Variants in LRRC37A2 observed in about 807,000 individuals in gnomAD.
The protein encoded by LRRC37A2 is leucine rich repeat containing 37 member A2.
Under a neutral mutation model 68.8 loss-of-function variants are expected in LRRC37A2, and 9 were observed. That is an observed-to-expected ratio of 0.13 (90% CI 0.08 to 0.23). The LOEUF (loss-of-function observed/expected upper bound fraction) is 0.23. Ranked by LOEUF, LRRC37A2 falls within the 10% of genes least tolerant of loss-of-function variation. The probability of loss-of-function intolerance (pLI) is 1.00; values close to 1 mark genes in which losing one functional copy is unlikely to be tolerated. For synonymous variants in LRRC37A2, 63 were observed against 367.6 expected, an observed-to-expected ratio of 0.17 and a Z score of 9.48; for missense variants, 168 against 950.4, an observed-to-expected ratio of 0.18 and a Z score of 10.82.
At chr17:46,751,636 G>C in the LRRC37A2 span, 1 of 1,486,714 alleles carries the variant, frequency 6.7e-7, no homozygotes, top group Non-Finnish European at 9.4e-7. Context: ...TTCGTTCTCC[G>C]TATGACTCAG....
the LRRC37A2 span, among the ~76,000 whole-genome samples, chr17:46,725,433 A>G: frequency 6.6e-6 from 1 of 152,178 alleles, no homozygotes; most frequent in Non-Finnish European, 1.5e-5. Context: ...GGTTGACCTG[A>G]TTAAATATCT....
chr17:46,833,689 C>T, the LRRC37A2 span, among the ~76,000 whole-genome samples: 9 of 152,186 alleles, frequency 5.9e-5, no homozygotes, highest in African/African-American at 2.2e-4. Context: ...AGCTTTGACT[C>T]AGTGCATGTG....
chr17:46,943,639 C>A, the LRRC37A2 span, among the ~76,000 whole-genome samples: 2 of 152,218 alleles, frequency 1.3e-5, no homozygotes, highest in East Asian at 2.0e-4. Context: ...ATCGGGTAAG[C>A]GGCTGCAGGA....
At chr17:47,010,774 G>A in the LRRC37A2 span, 2 of 152,358 alleles carry the variant, frequency 1.3e-5, no homozygotes, top group African/African-American at 4.8e-5. Context: ...GAGAGAAGTA[G>A]GCTATGAAAG....
chr17:46,907,934 G>T, the LRRC37A2 span, among the ~76,000 whole-genome samples: 1 of 152,034 alleles, frequency 6.6e-6, no homozygotes, highest in African/African-American at 2.4e-5. Context: ...TTTTGCCCTG[G>T]GCCCCTTAAC....
At chr17:46,801,065 A>T in the LRRC37A2 span, among the ~76,000 whole-genome samples, 4 of 152,222 alleles carry the variant, frequency 2.6e-5, no homozygotes, top group Non-Finnish European at 5.9e-5. Flanking sequence ...CTAGTCTCAC[A>T]TGCGTTATAT....
the LRRC37A2 span, among the ~76,000 whole-genome samples, chr17:46,809,502 C>A: frequency 8.5e-5 from 13 of 152,340 alleles, no homozygotes; most frequent in African/African-American, 3.1e-4. Context: ...TCAGTCCTCG[C>A]AGTTTTTCCA....
At chr17:46,851,761 T>A in the LRRC37A2 span, 1 of 1,026,038 alleles carries the variant, frequency 9.7e-7, no homozygotes, top group Non-Finnish European at 1.3e-6. The surrounding 1 kb of genome is among the most constrained non-coding windows in gnomAD (Gnocchi z 4.3). Flanking sequence ...CCTGCCTGTC[T>A]CTCCCTCCTG....
At chr17:46,754,268 A>G in the LRRC37A2 span, among the ~76,000 whole-genome samples, 1 of 149,716 alleles carries the variant, frequency 6.7e-6, no homozygotes, top group Admixed American at 6.7e-5. Flanking sequence ...TTGTAGTCTG[A>G]CCTCTTACCT....
chr17:46,990,353 G>T, the LRRC37A2 span, among the ~76,000 whole-genome samples: 1 of 152,160 alleles, frequency 6.6e-6, no homozygotes, highest in Non-Finnish European at 1.5e-5. Context: ...TACACAAAGG[G>T]TCCTATGTAA....
chr17:46,906,796 T>C, the LRRC37A2 span, among the ~76,000 whole-genome samples: 2 of 152,066 alleles, frequency 1.3e-5, no homozygotes, highest in Non-Finnish European at 2.9e-5. Flanking sequence ...CAGATCTGAA[T>C]TCAGGCTGCA....
chr17:46,884,008 C>G, the LRRC37A2 span, among the ~76,000 whole-genome samples: 39 of 152,214 alleles, frequency 2.6e-4, no homozygotes, highest in Non-Finnish European at 2.9e-5. Context: ...CCACCGTCCT[C>G]CCGCCATGGA....
the LRRC37A2 span, among the ~76,000 whole-genome samples, chr17:46,765,121 G>T: frequency 6.6e-6 from 1 of 152,262 alleles, no homozygotes; most frequent in South Asian, 2.1e-4. Context: ...TTACTCATTT[G>T]CATAGTCATA....
chr17:46,807,933 C>T, the LRRC37A2 span, among the ~76,000 whole-genome samples: 4 of 152,058 alleles, frequency 2.6e-5, no homozygotes, highest in African/African-American at 7.2e-5. Flanking sequence ...AGCTGAAGGT[C>T]GAATTGTAAA....
chr17:46,977,575 G>A, the LRRC37A2 span, among the ~76,000 whole-genome samples: 1 of 152,228 alleles, frequency 6.6e-6, no homozygotes, highest in African/African-American at 2.4e-5. Flanking sequence ...CCTGTAATGG[G>A]AGGCTCCAAG....
chr17:47,027,126 T>C, the LRRC37A2 span, among the ~76,000 whole-genome samples: 2 of 152,180 alleles, frequency 1.3e-5, no homozygotes, highest in Non-Finnish European at 2.9e-5. Flanking sequence ...TTAGCCAGGA[T>C]GGTCTCAATA....
At chr17:46,763,776 T>C in the LRRC37A2 span, 2 of 147,742 alleles carry the variant, frequency 1.4e-5, no homozygotes, top group Admixed American at 1.4e-4. Flanking sequence ...GGAAGCCATT[T>C]GAGCTAGAGA....
the LRRC37A2 span, among the ~76,000 whole-genome samples, chr17:46,884,751 G>A: frequency 6.6e-6 from 1 of 152,156 alleles, no homozygotes. Context: ...CCACTTGCCT[G>A]AGGTCACACA....
At chr17:46,756,113 C>T in the LRRC37A2 span, 1 of 340,664 alleles carries the variant, frequency 2.9e-6, no homozygotes. Flanking sequence ...CCATCCAGTA[C>T]TTGTGGACAC....
Sources: allele counts gnomAD v4.1 joint callset (sites outside exome capture counted in the v4.1 genomes callset), GRCh38; gene constraint gnomAD v4.1.1; non-coding constraint Gnocchi (gnomAD v3.1); transcripts MANE v1.5; gene names NCBI Gene and HGNC (gene_info 2026-07-23, HGNC 2026-07-21).